EPHA5: variants seen among roughly 807,000 people sequenced by gnomAD.
The protein encoded by EPHA5 is ephrin type-A receptor 5.
EPHA5 carries 60 observed loss-of-function variants against 105.0 expected under a neutral mutation model. The observed-to-expected ratio is 0.57, with a 90% confidence interval of 0.46 to 0.71. The LOEUF is 0.71. EPHA5 is among the 30% of genes least tolerant of loss of function. EPHA5 has a pLI of 0.00. For missense variants in EPHA5, 1,218 were observed against 1,274.7 expected (o/e 0.96, Z 0.68); for synonymous variants, 513 against 449.1 (o/e 1.14, Z -1.80).
chr4:65,550,317 TA>T (rs1238833882), intron 3 of EPHA5, among the ~76,000 whole-genome samples: 5 of 152,152 alleles, frequency 3.3e-5, no homozygotes, highest in African/African-American at 4.8e-5. Flanking sequence ...TAAACCAATG[TA>T]AAAATATGTT....
chr4:65,395,680 T>C (rs1263291797), intron 8 of EPHA5, among the ~76,000 whole-genome samples: 2 of 152,298 alleles, frequency 1.3e-5, no homozygotes, highest in East Asian at 1.9e-4. Context: ...AGAAATAGGA[T>C]TGAGCAGTTT....
At chr4:65,568,525 AT>A (rs1429806350) in intron 3 of EPHA5, among the ~76,000 whole-genome samples, 1 of 151,278 alleles carries the variant, frequency 6.6e-6, no homozygotes, top group Non-Finnish European at 1.5e-5. Flanking sequence ...TTTATTAATA[AT>A]TAACAACAAC....
At chr4:65,651,579 C>T (rs961228501) in intron 1 of EPHA5, among the ~76,000 whole-genome samples, 1 of 152,078 alleles carries the variant, frequency 6.6e-6, no homozygotes, top group Non-Finnish European at 1.5e-5. Context: ...TTTTATTTTT[C>T]CTTTAGCTTA....
At chr4:65,363,048 T>C (rs1717489109) in intron 11 of EPHA5, among the ~76,000 whole-genome samples, 1 of 151,610 alleles carries the variant, frequency 6.6e-6, no homozygotes, top group South Asian at 2.1e-4. Context: ...TGGTAGACTT[T>C]GAATAAGGTT....
At chr4:65,427,183 T>C (rs1424457012) in intron 5 of EPHA5, among the ~76,000 whole-genome samples, 1 of 64,168 alleles carries the variant, frequency 1.6e-5, no homozygotes, top group Admixed American at 2.0e-4. Flanking sequence ...CTCGAGTGTA[T>C]TCTTTTTTTT....
intron 1 of EPHA5, among the ~76,000 whole-genome samples, chr4:65,646,399 C>G (rs753692802): frequency 4.7e-4 from 71 of 152,122 alleles, no homozygotes; most frequent in Non-Finnish European, 8.2e-4. Context: ...TCAGCATACA[C>G]CAGTGGTTCT....
At chr4:65,488,034 G>T (rs753376739) in intron 5 of EPHA5, among the ~76,000 whole-genome samples, 6 of 152,170 alleles carry the variant, frequency 3.9e-5, no homozygotes, top group Non-Finnish European at 8.8e-5. Flanking sequence ...AGTGTATACA[G>T]TGAGAAGTCT....
At chr4:65,367,088 G>A (rs1717980846) in intron 9 of EPHA5, among the ~76,000 whole-genome samples, 1 of 151,376 alleles carries the variant, frequency 6.6e-6, no homozygotes, top group South Asian at 2.1e-4. Context: ...AAATATAATA[G>A]TTCTTTATAT....
intron 11 of EPHA5, among the ~76,000 whole-genome samples, chr4:65,360,904 G>A (rs546450842): frequency 6.9e-4 from 105 of 151,506 alleles, no homozygotes; most frequent in Non-Finnish European, 1.2e-3. Context: ...GTTTCAACGA[G>A]CTCATTGCAT....
chr4:65,669,566 G>T lies in EPHA5; in HGVS notation c.177C>A (p.Asn59Lys). Residue 59 changes from asparagine (N) to lysine (K), a missense_variant, in exon 1 of 17, where the codon AAC (asparagine) becomes AAA (lysine). This residue lies in a region of EPHA5 where 233 missense variants were observed against 227.5 expected (regional missense o/e 1.02). Coordinates refer to ENST00000613740, the MANE Select transcript of EPHA5 (RefSeq NM_001281766.3). ...ALRTLLASPS[N>K]EVNLLDSRTV... ...TCCCCACCCCCATCTCCCTACCTTCGTTGCTGGGGCTGGCCAGGAGGGTCC... is the reference window on the plus strand; with the variant it reads ...TCCCCACCCCCATCTCCCTACCTTCTTTGCTGGGGCTGGCCAGGAGGGTCC... The T allele has an allele frequency of 1.4e-6, 2 of 1,394,920 alleles. No individual in the cohort carries two copies. The highest frequency in any genetic ancestry group is 1.9e-6 in the Non-Finnish European group (2 of 1,068,092). The allele number at this position is 1,394,920 out of a possible 1,614,324, so 86.4% of individuals were successfully genotyped here. A position where few individuals can be genotyped will look rare whatever the true frequency, so the allele number is the denominator to read the frequency against.
chr4:65,407,969 AGCCCAG>A (rs888812562), intron 7 of EPHA5, among the ~76,000 whole-genome samples: 45 of 151,878 alleles, frequency 3.0e-4, no homozygotes, highest in African/African-American at 1.1e-3. Flanking sequence ...TTCACCATTT[AGCCCAG>A]GCTGGTCTGA....
chr4:65,398,128 G>A (rs934568479), intron 8 of EPHA5, among the ~76,000 whole-genome samples: 2 of 152,146 alleles, frequency 1.3e-5, no homozygotes, highest in Non-Finnish European at 2.9e-5. Context: ...GTGCTCTCAG[G>A]GGCCTGAGAA....
At chr4:65,329,007 A>G (rs1331218574) in intron 16 of EPHA5, among the ~76,000 whole-genome samples, 4 of 151,206 alleles carry the variant, frequency 2.6e-5, no homozygotes, top group African/African-American at 9.7e-5. Context: ...TAATATTTAA[A>G]TTGATTGGAT....
At chr4:65,506,078 C>T (rs1732990055) in intron 3 of EPHA5, among the ~76,000 whole-genome samples, 1 of 152,104 alleles carries the variant, frequency 6.6e-6, no homozygotes, top group South Asian at 2.1e-4. Context: ...ACAATTCCCA[C>T]CTATGAGTGA....
intron 5 of EPHA5, among the ~76,000 whole-genome samples, chr4:65,475,210 A>G (rs1488896488): frequency 6.6e-6 from 1 of 152,168 alleles, no homozygotes; most frequent in Non-Finnish European, 1.5e-5. Context: ...GAGGGGGAAT[A>G]GAATACTCTA....
intron 7 of EPHA5, 58 bp from the exon 8 acceptor site, chr4:65,404,537 T>C (rs555287438): frequency 1.0e-4 from 154 of 1,492,510 alleles, no homozygotes; most frequent in Non-Finnish European, 1.3e-4. Context: ...GCATTCAAAA[T>C]AAAAGTTGCT....
intron 1 of EPHA5, among the ~76,000 whole-genome samples, chr4:65,665,861 T>C (rs1384038029): frequency 6.6e-6 from 1 of 152,156 alleles, no homozygotes; most frequent in Admixed American, 6.5e-5. Context: ...GTTTCAACAA[T>C]CTATGATTCA....
chr4:65,630,492 C>T (rs1746533793), intron 2 of EPHA5, among the ~76,000 whole-genome samples: 1 of 152,138 alleles, frequency 6.6e-6, no homozygotes. Context: ...ATTCAAGACC[C>T]AGAAGTATGC....
intron 8 of EPHA5, among the ~76,000 whole-genome samples, chr4:65,398,246 C>T (rs1190174365): frequency 6.6e-6 from 1 of 152,190 alleles, no homozygotes; most frequent in Non-Finnish European, 1.5e-5. Context: ...ACCCTGGGTG[C>T]TGTTGTGACC....
Sources: allele counts gnomAD v4.1 joint callset (sites outside exome capture counted in the v4.1 genomes callset), GRCh38; gene constraint gnomAD v4.1.1; regional missense constraint gnomAD v4.1.1; transcripts MANE v1.5; gene names NCBI Gene and HGNC (gene_info 2026-07-23, HGNC 2026-07-21).